Variants in BRD10 observed in about 807,000 individuals in gnomAD.
The protein encoded by BRD10 is uncharacterized bromodomain-containing protein 10.
the BRD10 span, among the ~76,000 whole-genome samples, chr9:5,907,493 T>C: frequency 1.5e-4 from 23 of 152,210 alleles, no homozygotes; most frequent in African/African-American, 5.5e-4. Context: ...ATAATACATA[T>C]CATATTTCAA....
At chr9:6,007,988 G>T in the BRD10 span, 1 of 1,279,144 alleles carries the variant, frequency 7.8e-7, no homozygotes, top group African/African-American at 1.6e-5. Flanking sequence ...TACATGGCGC[G>T]CGAGGAGGGG....
chr9:6,006,804 G>A, the BRD10 span, among the ~76,000 whole-genome samples: 1 of 152,142 alleles, frequency 6.6e-6, no homozygotes, highest in Non-Finnish European at 1.5e-5. Context: ...TTTTTCTAGA[G>A]ATATTTCATC....
the BRD10 span, among the ~76,000 whole-genome samples, chr9:5,934,360 T>TTTC: frequency 2.1e-5 from 3 of 144,876 alleles, no homozygotes; most frequent in African/African-American, 5.0e-5. Context: ...ACGCTTTTCT[T>TTTC]TTTTTTTTTT....
At chr9:5,923,597 C>A in the BRD10 span, among the ~76,000 whole-genome samples, 2 of 152,032 alleles carry the variant, frequency 1.3e-5, no homozygotes, top group Admixed American at 1.3e-4. Flanking sequence ...AGTGTAAGTG[C>A]AAAAAACTGT....
chr9:5,952,697 G>T, the BRD10 span, among the ~76,000 whole-genome samples: 2 of 152,134 alleles, frequency 1.3e-5, no homozygotes, highest in Non-Finnish European at 1.5e-5. Context: ...TTAACAATGG[G>T]CCAGATTTGC....
At chr9:5,927,688 T>A in the BRD10 span, among the ~76,000 whole-genome samples, 2 of 152,186 alleles carry the variant, frequency 1.3e-5, no homozygotes, top group African/African-American at 4.8e-5. Context: ...CCCTCCTTTA[T>A]GAAACATTTT....
the BRD10 span, among the ~76,000 whole-genome samples, chr9:5,953,239 T>C: frequency 6.6e-6 from 1 of 152,168 alleles, no homozygotes; most frequent in Non-Finnish European, 1.5e-5. Flanking sequence ...ACCACTTTTA[T>C]CTTTTGGTCA....
At chr9:5,918,724 C>T in the BRD10 span, among the ~76,000 whole-genome samples, 1 of 136,652 alleles carries the variant, frequency 7.3e-6, no homozygotes, top group Non-Finnish European at 1.5e-5. Flanking sequence ...ACTTGGGGGG[C>T]TGAGGTGGGA....
the BRD10 span, chr9:5,920,770 A>G: frequency 6.2e-7 from 1 of 1,613,984 alleles, no homozygotes; most frequent in Non-Finnish European, 8.5e-7. Context: ...CCGTAACAGG[A>G]ATTTGCAAAG....
chr9:5,928,821 A>C, the BRD10 span, among the ~76,000 whole-genome samples: 9 of 128,348 alleles, frequency 7.0e-5, no homozygotes, highest in East Asian at 1.8e-3. Context: ...CTGACATTTG[A>C]GTGTGTTTTT....
the BRD10 span, chr9:5,920,479 G>A: frequency 7.4e-6 from 12 of 1,613,832 alleles, no homozygotes; most frequent in Middle Eastern, 1.6e-4. Flanking sequence ...AACTGTAACT[G>A]GGGGTTTTTA....
the BRD10 span, among the ~76,000 whole-genome samples, chr9:5,928,888 C>A: frequency 6.6e-6 from 1 of 152,074 alleles, no homozygotes; most frequent in Non-Finnish European, 1.5e-5. Flanking sequence ...AATATTTTCT[C>A]AGGGCTTAGA....
the BRD10 span, among the ~76,000 whole-genome samples, chr9:5,896,721 C>T: frequency 6.6e-6 from 1 of 152,182 alleles, no homozygotes; most frequent in Non-Finnish European, 1.5e-5. Context: ...CAGCTCCAGG[C>T]CCTGTTTCCA....
At chr9:5,948,043 T>A in the BRD10 span, among the ~76,000 whole-genome samples, 1 of 152,256 alleles carries the variant, frequency 6.6e-6, no homozygotes, top group East Asian at 1.9e-4. Context: ...AGAAGAGTTT[T>A]ATCTCCCAGC....
At chr9:5,905,499 T>C in the BRD10 span, among the ~76,000 whole-genome samples, 13 of 152,164 alleles carry the variant, frequency 8.5e-5, no homozygotes, top group African/African-American at 3.1e-4. Context: ...CTTCAAACCA[T>C]AAAAAAATTT....
At chr9:5,978,765 C>T in the BRD10 span, among the ~76,000 whole-genome samples, 1 of 152,156 alleles carries the variant, frequency 6.6e-6, no homozygotes, top group East Asian at 1.9e-4. Context: ...ACCTTTGATA[C>T]CAAGAACCTG....
chr9:5,929,172 T>C, the BRD10 span: 69 of 1,283,334 alleles, frequency 5.4e-5, no homozygotes, highest in Non-Finnish European at 6.4e-5. Flanking sequence ...AAAAATAATG[T>C]TTAAAGTAAA....
chr9:5,919,717 C>A, the BRD10 span: 4 of 1,611,604 alleles, frequency 2.5e-6, no homozygotes, highest in South Asian at 2.2e-5. Flanking sequence ...TCTCTAAGCC[C>A]GACGACTGAA....
the BRD10 span, among the ~76,000 whole-genome samples, chr9:5,925,511 G>A: frequency 1.4e-4 from 22 of 152,044 alleles, no homozygotes; most frequent in Admixed American, 3.9e-4. Context: ...TGCACTGACA[G>A]ATTAGAGTCT....
Sources: allele counts gnomAD v4.1 joint callset (sites outside exome capture counted in the v4.1 genomes callset), GRCh38; gene constraint gnomAD v4.1.1; transcripts MANE v1.5; gene names NCBI Gene and HGNC (gene_info 2026-07-23, HGNC 2026-07-21).